Variants in DENND5B observed in about 807,000 individuals in gnomAD.
The protein encoded by DENND5B is DENN domain containing 5B, also known as DENN domain-containing protein 5B.
Under a neutral mutation model 140.6 loss-of-function variants are expected in DENND5B, and 34 were observed. The observed-to-expected ratio is 0.24, with a 90% CI of 0.18 to 0.32. The LOEUF (loss-of-function observed/expected upper bound fraction) is 0.32, where lower values mean the gene tolerates loss of function less well. Among genes scored for constraint, DENND5B ranks in the 10% least tolerant of loss-of-function variants. The probability of loss-of-function intolerance (pLI) is 1.00; values close to 1 mark genes in which losing one functional copy is unlikely to be tolerated. For missense variants in DENND5B, 1,142 were observed against 1,560.2 expected, an observed-to-expected ratio of 0.73 and a Z score of 4.52; for synonymous variants, 551 against 562.1, an observed-to-expected ratio of 0.98 and a Z score of 0.28.
At chr12:31,406,423 C>G (rs1483654620) in intron 14 of DENND5B, among the ~76,000 whole-genome samples, 1 of 152,000 alleles carries the variant, frequency 6.6e-6, no homozygotes, top group Non-Finnish European at 1.5e-5. Flanking sequence ...CCTTTGTGTC[C>G]TTTTATTTTG....
chr12:31,549,668 CTAAATA>C (rs1391826298), intron 1 of DENND5B, among the ~76,000 whole-genome samples: 2 of 152,058 alleles, frequency 1.3e-5, no homozygotes, highest in African/African-American at 4.8e-5. Context: ...CCAGTATGCA[CTAAATA>C]TATTTTTCCT....
At chr12:31,562,961 C>G (rs1028895179) in intron 1 of DENND5B, among the ~76,000 whole-genome samples, 2 of 150,984 alleles carry the variant, frequency 1.3e-5, no homozygotes, top group African/African-American at 4.9e-5. Flanking sequence ...TAAATACTTA[C>G]GTAGATAAGG....
chr12:31,461,283 C>A (rs1945009193), intron 3 of DENND5B, among the ~76,000 whole-genome samples: 1 of 152,106 alleles, frequency 6.6e-6, no homozygotes, highest in Admixed American at 6.6e-5. Context: ...TACATGCATT[C>A]ATAGTTACAC....
intron 3 of DENND5B, chr12:31,464,919 T>C (rs550924065): frequency 2.6e-5 from 4 of 152,174 alleles, no homozygotes; most frequent in Non-Finnish European, 5.9e-5. Context: ...ACCTACTACA[T>C]GATGAGTAGC....
At chr12:31,555,162 G>GT (rs1323741560) in intron 1 of DENND5B, among the ~76,000 whole-genome samples, 2 of 152,066 alleles carry the variant, frequency 1.3e-5, no homozygotes, top group Non-Finnish European at 2.9e-5. Context: ...TTTTTCTGCT[G>GT]TTTTTTTCCC....
At chr12:31,472,179 T>A (rs1173452191) in intron 3 of DENND5B, among the ~76,000 whole-genome samples, 1 of 152,206 alleles carries the variant, frequency 6.6e-6, no homozygotes, top group Non-Finnish European at 1.5e-5. Context: ...ACTCTCATCT[T>A]ACAGATGCTA....
chr12:31,478,798 A>G (rs967351257), intron 3 of DENND5B, among the ~76,000 whole-genome samples: 2 of 152,288 alleles, frequency 1.3e-5, no homozygotes, highest in South Asian at 4.2e-4. Flanking sequence ...ACTATCCATT[A>G]AGACATAGCA....
chr12:31,480,322 T>C (rs1946016972), intron 2 of DENND5B, 67 bp from the exon 3 acceptor site: 2 of 1,348,318 alleles, frequency 1.5e-6, no homozygotes, highest in East Asian at 5.6e-5. Flanking sequence ...GAAATAAATG[T>C]TGTTTTTTTA....
intron 1 of DENND5B, among the ~76,000 whole-genome samples, chr12:31,549,254 A>T (rs933800712): frequency 7.2e-5 from 11 of 152,138 alleles, no homozygotes; most frequent in Non-Finnish European, 4.4e-5. Flanking sequence ...GAGAGATAAA[A>T]TGTAGCATCT....
intron 1 of DENND5B, among the ~76,000 whole-genome samples, chr12:31,513,644 G>A (rs1947509310): frequency 6.6e-6 from 1 of 152,070 alleles, no homozygotes; most frequent in Non-Finnish European, 1.5e-5. Flanking sequence ...CCCCATCTAT[G>A]TGTTGTGTGG....
chr12:31,549,699 C>T (rs942509422), intron 1 of DENND5B, among the ~76,000 whole-genome samples: 2 of 152,138 alleles, frequency 1.3e-5, no homozygotes, highest in African/African-American at 4.8e-5. Flanking sequence ...CTCTCTTCCC[C>T]CATCCCAACC....
chr12:31,464,354 G>A (rs75528750), intron 3 of DENND5B, among the ~76,000 whole-genome samples: 2,143 of 152,078 alleles, frequency 0.014, 58 homozygotes, highest in African/African-American at 0.048. Flanking sequence ...TTTTCCTCAG[G>A]CAATTGCTTC....
Position 31,452,254 on chromosome 12 carries a change from T to A in DENND5B, c.1315A>T (p.Thr439Ser). ...VNDKKNGNVCTNNISMYELLK... is the reference protein window; with the variant it reads ...VNDKKNGNVCSNNISMYELLK... ...AACTCATACATGCTGATGTTATTAGTACAGACATTGCCGTTCTTTTTGTCA... is the reference window on the plus strand; with the variant it reads ...AACTCATACATGCTGATGTTATTAGAACAGACATTGCCGTTCTTTTTGTCA... Residue 439 changes from threonine to serine, a missense_variant, in exon 5 of 21, where the codon ACT (threonine) becomes TCT (serine). Thr to Ser is a moderately conservative substitution (Grantham distance 58). This residue lies in a region of DENND5B where 708 missense variants were observed against 905.5 expected (regional missense o/e 0.78). Coordinates refer to ENST00000389082, the MANE Select transcript of DENND5B (RefSeq NM_144973.4). 2 of 1,614,006 alleles carry A rather than the reference T, an allele frequency of 1.2e-6. No homozygotes were observed. Among genetic ancestry groups the A allele is most frequent in the Non-Finnish European group, 1.7e-6 (2 of 1,179,886 alleles).
chr12:31,502,584 A>G (rs536802219), intron 1 of DENND5B, among the ~76,000 whole-genome samples: 3 of 152,338 alleles, frequency 2.0e-5, no homozygotes, highest in East Asian at 3.9e-4. Flanking sequence ...TAAAACTCAG[A>G]TATCTTTAAA....
At chr12:31,448,165 GCT>G (rs1223138411) in intron 5 of DENND5B, among the ~76,000 whole-genome samples, 3 of 150,390 alleles carry the variant, frequency 2.0e-5, no homozygotes, top group African/African-American at 7.3e-5. Flanking sequence ...ATGGAGTCTC[GCT>G]CTGTCGCCCA....
chr12:31,516,860 G>A (rs1947676435), intron 1 of DENND5B, among the ~76,000 whole-genome samples: 1 of 152,052 alleles, frequency 6.6e-6, no homozygotes. Flanking sequence ...GGCTGCTTGA[G>A]TCCAGGATGT....
At chr12:31,420,366 G>A (rs915050792) in intron 11 of DENND5B, among the ~76,000 whole-genome samples, 2 of 151,820 alleles carry the variant, frequency 1.3e-5, no homozygotes, top group African/African-American at 4.8e-5. Context: ...CAAACTCCTG[G>A]GCTCAAGTGA....
intron 19 of DENND5B, among the ~76,000 whole-genome samples, chr12:31,391,668 T>C (rs888621452): frequency 6.6e-6 from 1 of 152,128 alleles, no homozygotes; most frequent in Non-Finnish European, 1.5e-5. Context: ...ATATACACTT[T>C]TTGAGACACG....
At chr12:31,432,989 G>A in intron 8 of DENND5B, 166 bp downstream of exon 8, 1 of 551,984 alleles carries the variant, frequency 1.8e-6, no homozygotes, top group Non-Finnish European at 3.1e-6. Flanking sequence ...GGAAAAAAGG[G>A]TGTTTTCTGC....
Sources: gnomAD v4.1 joint callset for allele counts (sites outside exome capture counted in the v4.1 genomes callset) on GRCh38, gnomAD v4.1.1 for gene constraint, gnomAD v4.1.1 regional missense constraint, MANE v1.5 for transcripts, NCBI Gene and HGNC (gene_info 2026-07-23, HGNC 2026-07-21) for gene names.